The following SH3PXD2A variants were observed in gnomAD, a reference collection of about 807,000 sequenced individuals.
SH3PXD2A encodes the protein SH3 and PX domains 2A.
In SH3PXD2A, 32 loss-of-function variants were observed where a neutral mutation model predicts 115.2. That is an observed-to-expected ratio of 0.28 (90% CI 0.21 to 0.37). SH3PXD2A has a LOEUF of 0.37. SH3PXD2A is among the 10% of genes least tolerant of loss of function. The pLI, the probability that SH3PXD2A is intolerant of heterozygous loss-of-function variation, is 1.00. For missense variants in SH3PXD2A, 1,328 were observed against 1,498.7 expected (o/e 0.89, Z 1.88); for synonymous variants, 610 against 629.1 (o/e 0.97, Z 0.45).
At chr10:103,791,324 T>C (rs2039034068) in intron 2 of SH3PXD2A, among the ~76,000 whole-genome samples, 1 of 152,196 alleles carries the variant, frequency 6.6e-6, no homozygotes, top group South Asian at 2.1e-4. Context: ...CCAAACACCC[T>C]GTGAACACCG....
Position 103,822,940 on chromosome 10 carries a change from G to A in SH3PXD2A, c.73-21578C>T, listed in dbSNP as rs147330524. 2.6e-5 allele frequency among the ~76,000 whole-genome samples: 4 copies of A among 152,302 alleles called. No individual in the cohort carries two copies. The East Asian group carries it at 7.7e-4, about 29-fold the overall frequency. On this transcript the variant is annotated intron_variant, in intron 1 of 14. Transcript: ENST00000369774. Reference sequence around the variant, plus strand: ...CTATCTGGCTGACAGAAACAATCACGTTTGGTCAGATAGGTGCTGAAGTTA... The same window carrying A: ...CTATCTGGCTGACAGAAACAATCACATTTGGTCAGATAGGTGCTGAAGTTA...
intron 5 of SH3PXD2A, among the ~76,000 whole-genome samples, chr10:103,720,523 A>C (rs2038169468): frequency 6.6e-6 from 1 of 152,060 alleles, no homozygotes. Context: ...ACGGTCCCCC[A>C]CCCCAGCCCC....
In SH3PXD2A at chr10:103,697,805, A is replaced by G. The variant is rs78159142; in HGVS notation, c.399-4749T>C. ...AAATGGCTGGTGTTGGAGACTGCAC[A>G]GGGAGAGGCTGGTGGGGGCAGGAAA... On this transcript the variant is annotated intron_variant, in intron 5 of 14. Transcript: ENST00000369774. Among the ~76,000 whole-genome samples the G allele has an allele frequency of 2.4e-3, 373 of 152,246 alleles. 5 individuals are homozygous for G. The highest frequency in any genetic ancestry group is 8.6e-3 in the African/African-American group (358 of 41,534).
chr10:103,644,115 A>C (rs372642336), intron 8 of SH3PXD2A, among the ~76,000 whole-genome samples: 2 of 4,042 alleles, frequency 4.9e-4, no homozygotes, highest in African/African-American at 2.9e-3. Flanking sequence ...GCTCCATCCC[A>C]AAAAAAAAAA....
At chr10:103,782,429 A>C (rs1477022727) in intron 2 of SH3PXD2A, among the ~76,000 whole-genome samples, 3 of 152,266 alleles carry the variant, frequency 2.0e-5, no homozygotes, top group Non-Finnish European at 4.4e-5. Context: ...AGATGGGCAC[A>C]CAAGAGGAGG....
At chr10:103,661,407 A>T (rs1236341661) in intron 7 of SH3PXD2A, among the ~76,000 whole-genome samples, 2 of 152,226 alleles carry the variant, frequency 1.3e-5, no homozygotes, top group Non-Finnish European at 2.9e-5. Context: ...GGCGGAGGCC[A>T]AGGAAGCTCA....
intron 6 of SH3PXD2A, among the ~76,000 whole-genome samples, chr10:103,675,866 AC>A (rs2037525245): frequency 6.6e-6 from 1 of 151,944 alleles, no homozygotes; most frequent in South Asian, 2.1e-4. Flanking sequence ...AACATGTTAA[AC>A]CCCATCTCTA....
chr10:103,807,212 A>G (rs1433407814), intron 1 of SH3PXD2A, among the ~76,000 whole-genome samples: 1 of 152,064 alleles, frequency 6.6e-6, no homozygotes, highest in Non-Finnish European at 1.5e-5. Flanking sequence ...CCAATTAGAA[A>G]CTGCAAATAC....
intron 1 of SH3PXD2A, among the ~76,000 whole-genome samples, chr10:103,823,881 G>A (rs2134293941): frequency 6.6e-6 from 1 of 152,322 alleles, no homozygotes; most frequent in Middle Eastern, 3.4e-3. Context: ...AGCTGGGACA[G>A]CCATGCCAGG....
Position 103,746,091 on chromosome 10 carries a change from C to T in SH3PXD2A, c.230-10283G>A, listed in dbSNP as rs1172302922. Reference sequence around the variant, plus strand: ...AAGAACGATCTCCCAAATTCTGGTTCGGAGGTTCCCATACCCAGTAAGCAG... The same window carrying T: ...AAGAACGATCTCCCAAATTCTGGTTTGGAGGTTCCCATACCCAGTAAGCAG... On this transcript the variant is annotated intron_variant, in intron 3 of 14. Transcript: ENST00000369774. This position sits in a 1 kb window ranked among gnomAD's most constrained non-coding sequence, Gnocchi z 4.4. The T allele has an allele frequency of 2.0e-5, 3 of 152,214 alleles. No individual in the cohort carries two copies. Among genetic ancestry groups the T allele is most frequent in the South Asian group, 2.1e-4 (1 of 4,824 alleles). 9.4% of individuals were successfully genotyped at this position (152,214 alleles called of 1,614,324 possible).
chr10:103,709,636 C>T (rs1054243322), intron 5 of SH3PXD2A, among the ~76,000 whole-genome samples: 4 of 152,198 alleles, frequency 2.6e-5, no homozygotes, highest in Admixed American at 2.6e-4. Context: ...GCATGCTAAG[C>T]CCTTGCCAAG....
At chr10:103,631,249 G>A (rs756002645) in intron 8 of SH3PXD2A, among the ~76,000 whole-genome samples, 1 of 151,448 alleles carries the variant, frequency 6.6e-6, no homozygotes, top group Non-Finnish European at 1.5e-5. Flanking sequence ...TCGGTGACAG[G>A]GCAAGACTGC....
intron 13 of SH3PXD2A, among the ~76,000 whole-genome samples, chr10:103,607,389 G>A (rs534316629): frequency 6.0e-4 from 91 of 151,228 alleles, no homozygotes; most frequent in African/African-American, 2.0e-3. Context: ...CAGCCACCCC[G>A]TCCGGGAGGG....
At chr10:103,737,322 C>A (rs1015941494) in intron 3 of SH3PXD2A, among the ~76,000 whole-genome samples, 7 of 152,168 alleles carry the variant, frequency 4.6e-5, no homozygotes, top group Non-Finnish European at 1.0e-4. Context: ...CAATTTAGAT[C>A]ATTTCCATTG....
intron 5 of SH3PXD2A, among the ~76,000 whole-genome samples, chr10:103,719,087 T>C (rs932273927): frequency 2.6e-4 from 39 of 152,190 alleles, no homozygotes; most frequent in African/African-American, 9.4e-4. Flanking sequence ...CCCAGCCTCT[T>C]TCATAAGAAC....
At chr10:103,748,635 A>G (rs1305636321) in intron 3 of SH3PXD2A, among the ~76,000 whole-genome samples, 1 of 152,222 alleles carries the variant, frequency 6.6e-6, no homozygotes, top group Non-Finnish European at 1.5e-5. Context: ...AGAGTGAGAC[A>G]GGCAAAGGGA....
chr10:103,688,375 GC>G (rs1259808526), intron 6 of SH3PXD2A, among the ~76,000 whole-genome samples: 1 of 152,228 alleles, frequency 6.6e-6, no homozygotes, highest in African/African-American at 2.4e-5. Flanking sequence ...AAGCCCTGCA[GC>G]CAAGGTCTTT....
At chr10:103,816,304 C>T (rs1236154025) in intron 1 of SH3PXD2A, among the ~76,000 whole-genome samples, 1 of 152,182 alleles carries the variant, frequency 6.6e-6, no homozygotes, top group African/African-American at 2.4e-5. Flanking sequence ...ACTCTTACAA[C>T]TCAATAATAA....
intron 8 of SH3PXD2A, among the ~76,000 whole-genome samples, chr10:103,636,252 C>CA (rs890214238): frequency 6.6e-6 from 1 of 151,732 alleles, no homozygotes; most frequent in African/African-American, 2.4e-5. Context: ...ACTGAAAATA[C>CA]AAAAAAATTA....
Sources: gnomAD v4.1 joint callset for allele counts (sites outside exome capture counted in the v4.1 genomes callset) on GRCh38, gnomAD v4.1.1 for gene constraint, Gnocchi (gnomAD v3.1) non-coding constraint, MANE v1.5 for transcripts, NCBI Gene and HGNC (gene_info 2026-07-23, HGNC 2026-07-21) for gene names.